Variants in ACTL8 observed in about 807,000 individuals in gnomAD.
ACTL8 encodes the protein actin-like protein 8.
Under a neutral mutation model 9.3 loss-of-function variants are expected in ACTL8, and 3 were observed. That is an observed-to-expected ratio of 0.32 (90% CI 0.15 to 0.83). ACTL8 has a LOEUF of 0.83. ACTL8 is among the 40% of genes least tolerant of loss of function. The pLI is 0.57. For missense variants in ACTL8, 381 were observed against 492.2 expected, an observed-to-expected ratio of 0.77 and a Z score of 2.14; for synonymous variants, 224 against 205.9, an observed-to-expected ratio of 1.09 and a Z score of -0.75.
At chr1:17,796,762 CA>C (rs2066280494) in intron 1 of ACTL8, among the ~76,000 whole-genome samples, 1 of 152,236 alleles carries the variant, frequency 6.6e-6, no homozygotes, top group Non-Finnish European at 1.5e-5. Flanking sequence ...CCGACCTCTT[CA>C]AGCTTCTTCA....
chr1:17,814,174 G>A (rs758305975), intron 1 of ACTL8, among the ~76,000 whole-genome samples: 2 of 152,164 alleles, frequency 1.3e-5, no homozygotes, highest in Admixed American at 6.6e-5. Flanking sequence ...TATTGTAGTT[G>A]TACTGTACCT....
chr1:17,783,436 A>T (rs757620372), intron 1 of ACTL8, among the ~76,000 whole-genome samples: 1 of 151,758 alleles, frequency 6.6e-6, no homozygotes, highest in South Asian at 2.1e-4. Flanking sequence ...GTCTGTGTGA[A>T]GGTGGTGGTC....
chr1:17,765,314 T>C (rs1052121140), intron 1 of ACTL8, among the ~76,000 whole-genome samples: 2 of 152,208 alleles, frequency 1.3e-5, no homozygotes, highest in African/African-American at 4.8e-5. Context: ...CTTAGTTCAC[T>C]GTGGTGTCCT....
At chr1:17,804,719 C>A (rs193302229) in intron 1 of ACTL8, among the ~76,000 whole-genome samples, 1 of 151,986 alleles carries the variant, frequency 6.6e-6, no homozygotes, top group East Asian at 1.9e-4. Context: ...TGGGTTCAAG[C>A]GATTCTTCTG....
At chr1:17,816,275 C>T (rs1341080930) in intron 1 of ACTL8, among the ~76,000 whole-genome samples, 1 of 149,030 alleles carries the variant, frequency 6.7e-6, no homozygotes, top group African/African-American at 2.5e-5. Flanking sequence ...AATCTTAGCT[C>T]TCTGCAAACT....
chr1:17,813,342 A>G (rs76626479), intron 1 of ACTL8, among the ~76,000 whole-genome samples: 1 of 152,134 alleles, frequency 6.6e-6, no homozygotes, highest in Non-Finnish European at 1.5e-5. Context: ...TTTTATGATA[A>G]ATGCATGTTG....
At position 17,826,609 on chromosome 1, in the gene ACTL8, AGGTGG is replaced by A; in HGVS notation, c.*100_*104del. The A allele has an allele frequency of 2.2e-6, 2 of 917,748 alleles. No homozygotes were observed. Among genetic ancestry groups the A allele is most frequent in the Non-Finnish European group, 3.0e-6 (2 of 660,984 alleles). 56.9% of individuals were successfully genotyped at this position (917,748 alleles called of 1,614,324 possible). A position where few individuals can be genotyped will look rare whatever the true frequency, so the allele number is the denominator to read the frequency against. ...AAATGTTCTGGGTGGGGGTAGAATG[AGGTGG>A]GGTGGGGTGAGCTGGCTTTGGAATT... On this transcript the variant is annotated 3_prime_UTR_variant, in exon 3 of 3. Coordinates refer to ENST00000375406, the MANE Select transcript of ACTL8 (RefSeq NM_030812.3). This position sits in a 1 kb window ranked among gnomAD's most constrained non-coding sequence, Gnocchi z 4.5.
At chr1:17,799,285 G>T (rs1239287108) in intron 1 of ACTL8, among the ~76,000 whole-genome samples, 1 of 152,192 alleles carries the variant, frequency 6.6e-6, no homozygotes, top group East Asian at 1.9e-4. Flanking sequence ...GCCAGCACCT[G>T]TTGGCGATCG....
intron 1 of ACTL8, among the ~76,000 whole-genome samples, chr1:17,820,379 T>C (rs1422962966): frequency 6.6e-6 from 1 of 152,200 alleles, no homozygotes; most frequent in East Asian, 1.9e-4. Context: ...TTCCACTGAA[T>C]GGAGATTTGT....
intron 1 of ACTL8, among the ~76,000 whole-genome samples, chr1:17,779,039 G>A (rs908005067): frequency 6.6e-6 from 1 of 152,054 alleles, no homozygotes; most frequent in African/African-American, 2.4e-5. Flanking sequence ...AAATGTCCCC[G>A]TCCCTGGCCT....
intron 1 of ACTL8, among the ~76,000 whole-genome samples, chr1:17,768,938 C>T (rs1057259158): frequency 6.6e-6 from 1 of 152,128 alleles, no homozygotes; most frequent in Non-Finnish European, 1.5e-5. Flanking sequence ...GACATCCCTC[C>T]TATGTGCCTG....
chr1:17,786,074 T>G (rs984676604), intron 1 of ACTL8, among the ~76,000 whole-genome samples: 7 of 152,366 alleles, frequency 4.6e-5, no homozygotes, highest in Admixed American at 2.0e-4. Context: ...CAGGTGGCCC[T>G]GAGCCCCTAA....
intron 1 of ACTL8, among the ~76,000 whole-genome samples, chr1:17,811,421 G>A (rs763717493): frequency 2.0e-5 from 3 of 152,134 alleles, no homozygotes; most frequent in Non-Finnish European, 4.4e-5. Context: ...TCTCTTGATA[G>A]TGTCTTTCAA....
intron 1 of ACTL8, among the ~76,000 whole-genome samples, chr1:17,798,300 A>C (rs1378187200): frequency 1.3e-5 from 2 of 151,906 alleles, no homozygotes; most frequent in Non-Finnish European, 2.9e-5. Flanking sequence ...TAAGGAGCTC[A>C]TGGTCTAGGT....
chr1:17,813,821 T>A (rs2066408324), intron 1 of ACTL8, among the ~76,000 whole-genome samples: 1 of 152,204 alleles, frequency 6.6e-6, no homozygotes, highest in South Asian at 2.1e-4. Flanking sequence ...AAATATATAT[T>A]TCTTCTTGAT....
chr1:17,825,681 C>G (rs895919116), intron 2 of ACTL8, 86 bp from the exon 3 acceptor site: 3 of 1,511,334 alleles, frequency 2.0e-6, no homozygotes, highest in Admixed American at 1.9e-5. Flanking sequence ...AGAGTCCCCC[C>G]GAGGATGGGG....
chr1:17,791,203 C>T (rs1264445734), intron 1 of ACTL8, among the ~76,000 whole-genome samples: 5 of 152,122 alleles, frequency 3.3e-5, no homozygotes, highest in African/African-American at 1.2e-4. Context: ...TGCCCCAACT[C>T]GGAAGGGGCA....
intron 1 of ACTL8, among the ~76,000 whole-genome samples, chr1:17,766,836 G>A (rs180874622): frequency 1.2e-4 from 19 of 152,238 alleles, no homozygotes; most frequent in Non-Finnish European, 1.5e-5. Context: ...TCTCAGGGGT[G>A]TTCATTTGTT....
intron 1 of ACTL8, among the ~76,000 whole-genome samples, chr1:17,820,801 T>A (rs1557448300): frequency 6.6e-6 from 1 of 152,180 alleles, no homozygotes; most frequent in Non-Finnish European, 1.5e-5. Flanking sequence ...GGTCTTGAAC[T>A]CCTGACCTCA....
Sources: gnomAD v4.1 joint callset for allele counts (sites outside exome capture counted in the v4.1 genomes callset) on GRCh38, gnomAD v4.1.1 for gene constraint, Gnocchi (gnomAD v3.1) non-coding constraint, MANE v1.5 for transcripts, NCBI Gene and HGNC (gene_info 2026-07-23, HGNC 2026-07-21) for gene names.